RFTN2: variants seen among roughly 807,000 people sequenced by gnomAD.
The protein encoded by RFTN2 is raftlin-2.
Under a neutral mutation model 52.7 loss-of-function variants are expected in RFTN2, and 34 were observed. The observed-to-expected ratio is 0.64, with a 90% CI of 0.49 to 0.86. The LOEUF is 0.86. RFTN2 is among the 40% of genes least tolerant of loss of function. RFTN2 has a pLI of 0.00. For synonymous variants in RFTN2, 203 were observed against 217.7 expected (o/e 0.93, Z 0.59); for missense variants, 536 against 600.1 (o/e 0.89, Z 1.12).
intron 3 of RFTN2, among the ~76,000 whole-genome samples, chr2:197,641,542 A>C (rs2088675460): frequency 6.6e-6 from 1 of 152,172 alleles, no homozygotes; most frequent in East Asian, 1.9e-4. Context: ...TATTACTAGG[A>C]ACTTTTATCT....
intron 8 of RFTN2, among the ~76,000 whole-genome samples, chr2:197,577,087 C>T (rs549362754): frequency 6.6e-6 from 1 of 152,324 alleles, no homozygotes; most frequent in South Asian, 2.1e-4. Flanking sequence ...AGTTGTCCCG[C>T]TTTTAGTCCC....
chr2:197,660,058 A>AG (rs2088955975), intron 1 of RFTN2, among the ~76,000 whole-genome samples: 1 of 152,230 alleles, frequency 6.6e-6, no homozygotes, highest in Admixed American at 6.5e-5. Flanking sequence ...GAAGAAAGAA[A>AG]GGGACTAGGT....
intron 3 of RFTN2, among the ~76,000 whole-genome samples, chr2:197,638,613 T>C (rs1386312246): frequency 6.9e-6 from 1 of 145,450 alleles, no homozygotes; most frequent in Non-Finnish European, 1.5e-5. Flanking sequence ...TCCATCCTTT[T>C]ATTTTGAGCC....
chr2:197,664,321 C>T (rs2106269805), intron 1 of RFTN2, among the ~76,000 whole-genome samples: 1 of 150,622 alleles, frequency 6.6e-6, no homozygotes, highest in South Asian at 2.1e-4. Context: ...AAAAAAAATT[C>T]AAAAATCAGC....
intron 1 of RFTN2, among the ~76,000 whole-genome samples, chr2:197,669,193 C>T (rs2089107677): frequency 6.6e-6 from 1 of 152,174 alleles, no homozygotes; most frequent in Non-Finnish European, 1.5e-5. Context: ...ATATGAAGGA[C>T]CAAATTATGA....
intron 1 of RFTN2, among the ~76,000 whole-genome samples, chr2:197,660,031 C>T (rs2088955647): frequency 6.6e-6 from 1 of 152,150 alleles, no homozygotes; most frequent in African/African-American, 2.4e-5. Context: ...TCATTATTTT[C>T]AGATGAGGAA....
chr2:197,587,297 G>A (rs745429474), intron 8 of RFTN2, among the ~76,000 whole-genome samples: 2 of 151,492 alleles, frequency 1.3e-5, no homozygotes, highest in African/African-American at 4.9e-5. Context: ...AAAAATTTTC[G>A]CCGTCCCAAC....
intron 8 of RFTN2, among the ~76,000 whole-genome samples, chr2:197,576,330 T>C (rs996755329): frequency 2.0e-5 from 3 of 152,108 alleles, no homozygotes; most frequent in African/African-American, 7.2e-5. Context: ...GTCTGGCCTT[T>C]AAGAGCTTAT....
chr2:197,604,740 CTATTTATTTATTTATTTATT>C (rs111347809), intron 7 of RFTN2, among the ~76,000 whole-genome samples: 2 of 150,332 alleles, frequency 1.3e-5, no homozygotes, highest in African/African-American at 2.5e-5. Context: ...TATGCACATT[CTATTTATTTATTTATTTATT>C]TATTTATTTA....
At chr2:197,649,502 G>A (rs551387783) in intron 1 of RFTN2, among the ~76,000 whole-genome samples, 18 of 152,338 alleles carry the variant, frequency 1.2e-4, no homozygotes, top group African/African-American at 3.6e-4. Context: ...GGGGAAGAAT[G>A]TGGCTTTTAT....
chr2:197,591,896 G>T (rs1490014454), intron 8 of RFTN2, among the ~76,000 whole-genome samples: 1 of 151,846 alleles, frequency 6.6e-6, no homozygotes, highest in Non-Finnish European at 1.5e-5. Context: ...AGCACTGTGC[G>T]CAGAACTGGT....
At chr2:197,658,161 A>AGAT (rs1161044005) in intron 1 of RFTN2, among the ~76,000 whole-genome samples, 2 of 147,320 alleles carry the variant, frequency 1.4e-5, no homozygotes, top group African/African-American at 5.1e-5. Context: ...ACCTTGTCTA[A>AGAT]GACTATTTTT....
At chr2:197,582,133 G>C (rs2087520153) in intron 8 of RFTN2, among the ~76,000 whole-genome samples, 1 of 152,218 alleles carries the variant, frequency 6.6e-6, no homozygotes, top group Non-Finnish European at 1.5e-5. Flanking sequence ...TCTGTGTGGT[G>C]GTTGCTGTTG....
chr2:197,633,470 A>G (rs2106234734), intron 4 of RFTN2, among the ~76,000 whole-genome samples: 1 of 152,302 alleles, frequency 6.6e-6, no homozygotes, highest in South Asian at 2.1e-4. Context: ...CTAAATAGAA[A>G]CCAATCTTCA....
intron 5 of RFTN2, 93 bp downstream of exon 5, chr2:197,630,918 C>T (rs1407239021): frequency 2.5e-6 from 2 of 806,492 alleles, no homozygotes; most frequent in East Asian, 5.2e-5. Context: ...TCTGTCCTTT[C>T]AGCCATAGAA....
chr2:197,626,293 C>T (rs1244686314), intron 5 of RFTN2, among the ~76,000 whole-genome samples: 15 of 152,158 alleles, frequency 9.9e-5, no homozygotes, highest in Non-Finnish European at 1.6e-4. Context: ...TGGCCTGGCA[C>T]GATGGCTCAC....
At chr2:197,664,369 A>G (rs1388181991) in intron 1 of RFTN2, among the ~76,000 whole-genome samples, 1 of 151,886 alleles carries the variant, frequency 6.6e-6, no homozygotes, top group Admixed American at 6.6e-5. Context: ...CCAGTTACTC[A>G]GGAGGCTCAG....
At chr2:197,579,577 C>T (rs2087471908) in intron 8 of RFTN2, among the ~76,000 whole-genome samples, 1 of 152,162 alleles carries the variant, frequency 6.6e-6, no homozygotes, top group Non-Finnish European at 1.5e-5. Flanking sequence ...GGCAAACGGT[C>T]TGAGATGCCT....
intron 7 of RFTN2, among the ~76,000 whole-genome samples, chr2:197,610,816 G>A (rs1402063114): frequency 2.0e-5 from 3 of 152,178 alleles, no homozygotes; most frequent in Non-Finnish European, 2.9e-5. Flanking sequence ...AGAGTTTTTA[G>A]CATGAAGTGC....
Sources: gnomAD v4.1 joint callset for allele counts (sites outside exome capture counted in the v4.1 genomes callset) on GRCh38, gnomAD v4.1.1 for gene constraint, MANE v1.5 for transcripts, NCBI Gene and HGNC (gene_info 2026-07-23, HGNC 2026-07-21) for gene names.